The following KDM4C variants were observed in gnomAD, a reference collection of about 807,000 sequenced individuals.
KDM4C encodes lysine demethylase 4C.
In KDM4C, 81 loss-of-function variants were observed where a neutral mutation model predicts 129.3. The observed-to-expected ratio is 0.63, with a 90% confidence interval of 0.52 to 0.75. KDM4C has a LOEUF of 0.75. KDM4C is among the 30% of genes least tolerant of loss of function. The pLI is 0.00. For synonymous variants in KDM4C, 573 were observed against 456.1 expected (o/e 1.26, Z -3.26); for missense variants, 1,457 against 1,304.0 (o/e 1.12, Z -1.81).
At chr9:6,776,687 C>T (rs1172658123) in intron 1 of KDM4C, among the ~76,000 whole-genome samples, 1 of 141,014 alleles carries the variant, frequency 7.1e-6, no homozygotes, top group Non-Finnish European at 1.6e-5. Flanking sequence ...TCACTGCAAC[C>T]TCCACCTCCT....
intron 14 of KDM4C, among the ~76,000 whole-genome samples, chr9:7,015,246 C>A (rs1823447639): frequency 6.6e-6 from 1 of 151,950 alleles, no homozygotes; most frequent in East Asian, 1.9e-4. Flanking sequence ...TTAAAAATTA[C>A]TCATTTAAAT....
chr9:6,966,521 G>C (rs1466832447), intron 8 of KDM4C, among the ~76,000 whole-genome samples: 4 of 152,220 alleles, frequency 2.6e-5, no homozygotes, highest in African/African-American at 9.6e-5. Context: ...AGCCACTGCA[G>C]TAAGCCAAGG....
chr9:6,742,751 G>A (rs747387853), intron 1 of KDM4C, among the ~76,000 whole-genome samples: 9 of 151,388 alleles, frequency 5.9e-5, no homozygotes, highest in East Asian at 3.9e-4. Flanking sequence ...TCTAAGAATC[G>A]CTTGAACCCC....
At chr9:7,066,911 A>AT (rs1386524237) in intron 17 of KDM4C, among the ~76,000 whole-genome samples, 3 of 152,216 alleles carry the variant, frequency 2.0e-5, no homozygotes, top group Non-Finnish European at 4.4e-5. Flanking sequence ...ATTCATAAAT[A>AT]TTTTTTGTAT....
chr9:6,787,901 A>C (rs1825806209), intron 1 of KDM4C, among the ~76,000 whole-genome samples: 1 of 152,232 alleles, frequency 6.6e-6, no homozygotes, highest in South Asian at 2.1e-4. Context: ...GAACCCCAGG[A>C]TCAGTTCCCA....
chr9:7,019,876 T>G (rs1824468952), intron 15 of KDM4C, among the ~76,000 whole-genome samples: 1 of 151,330 alleles, frequency 6.6e-6, no homozygotes, highest in South Asian at 2.1e-4. Flanking sequence ...TTTTTCGGCT[T>G]CAGCCTGGGC....
intron 17 of KDM4C, among the ~76,000 whole-genome samples, chr9:7,088,328 T>G (rs547725018): frequency 6.6e-6 from 1 of 152,360 alleles, no homozygotes; most frequent in South Asian, 2.1e-4. Context: ...TCACATTCTC[T>G]CTTTAATCCA....
At chr9:6,846,552 A>G (rs1383097617) in intron 4 of KDM4C, among the ~76,000 whole-genome samples, 1 of 152,222 alleles carries the variant, frequency 6.6e-6, no homozygotes, top group African/African-American at 2.4e-5. Flanking sequence ...AATAAGATTT[A>G]TCTCTGTTGG....
chr9:7,048,083 A>C (rs1274816379), intron 16 of KDM4C, among the ~76,000 whole-genome samples: 1 of 152,082 alleles, frequency 6.6e-6, no homozygotes, highest in Non-Finnish European at 1.5e-5. Context: ...CCTGGTTGAT[A>C]TGATTCGCAC....
At chr9:6,779,264 C>T (rs1262328738) in intron 1 of KDM4C, among the ~76,000 whole-genome samples, 3 of 152,054 alleles carry the variant, frequency 2.0e-5, no homozygotes, top group African/African-American at 7.3e-5. Context: ...GATCTGCCCA[C>T]CTCGGCCTCC....
intron 15 of KDM4C, among the ~76,000 whole-genome samples, chr9:7,024,897 A>T (rs962881131): frequency 3.9e-5 from 6 of 152,200 alleles, no homozygotes; most frequent in African/African-American, 1.4e-4. Flanking sequence ...TAGATCCCTG[A>T]GGAATCGCCA....
At chr9:7,148,712 C>T (rs1389484430) in intron 19 of KDM4C, among the ~76,000 whole-genome samples, 2 of 152,190 alleles carry the variant, frequency 1.3e-5, no homozygotes, top group African/African-American at 4.8e-5. Flanking sequence ...CAGAGAAAGG[C>T]TTTATTGGAT....
At chr9:6,738,181 A>G (rs1417696838) in intron 1 of KDM4C, among the ~76,000 whole-genome samples, 2 of 136,080 alleles carry the variant, frequency 1.5e-5, no homozygotes, top group African/African-American at 5.7e-5. Flanking sequence ...AAACTAAACT[A>G]AAAAACAGAT....
intron 6 of KDM4C, among the ~76,000 whole-genome samples, chr9:6,882,540 G>T (rs527972758): frequency 6.6e-6 from 1 of 152,034 alleles, no homozygotes; most frequent in Non-Finnish European, 1.5e-5. Flanking sequence ...TTGGTTACTC[G>T]TCCAAAATAT....
At chr9:6,774,116 G>T (rs1486963026) in intron 1 of KDM4C, among the ~76,000 whole-genome samples, 1 of 151,850 alleles carries the variant, frequency 6.6e-6, no homozygotes. Context: ...TCGAACTCCT[G>T]ACCTCAAGTG....
intron 17 of KDM4C, among the ~76,000 whole-genome samples, chr9:7,086,845 C>T (rs1431526802): frequency 6.6e-6 from 1 of 152,180 alleles, no homozygotes; most frequent in Non-Finnish European, 1.5e-5. Context: ...GTTGATCTGC[C>T]TGAGAGCCAG....
At chr9:6,753,035 C>T (rs1195011794), upstream of KDM4C, among the ~76,000 whole-genome samples, 3 of 152,122 alleles carry the variant, frequency 2.0e-5, no homozygotes, top group Non-Finnish European at 4.4e-5. Context: ...ATAGCAGCTG[C>T]TTTTGATCTA....
Position 6,849,720 on chromosome 9 carries a change from T to C in KDM4C, c.629+20T>C. ...GTCTTGGCAAGTTACTTGTTTAATA[T>C]TCATTTACTTTGGAGTTTTGAAATT... On this transcript the variant is annotated intron_variant, in intron 5 of 21. Coordinates refer to ENST00000381309, the MANE Select transcript of KDM4C (RefSeq NM_015061.6). 1.3e-6 allele frequency: 2 copies of C among 1,528,850 alleles called. No homozygotes were observed. Among genetic ancestry groups the C allele is most frequent in the Non-Finnish European group, 8.9e-7 (1 of 1,129,156 alleles). 94.7% of individuals were successfully genotyped at this position (1,528,850 alleles called of 1,614,324 possible).
chr9:7,131,949 C>G (rs1025786418), intron 19 of KDM4C, among the ~76,000 whole-genome samples: 2 of 152,172 alleles, frequency 1.3e-5, no homozygotes, highest in East Asian at 3.8e-4. Context: ...CAAAAACTCT[C>G]TAATCCACAC....
Sources: gnomAD v4.1 joint callset for allele counts (sites outside exome capture counted in the v4.1 genomes callset) on GRCh38, gnomAD v4.1.1 for gene constraint, MANE v1.5 for transcripts, NCBI Gene and HGNC (gene_info 2026-07-23, HGNC 2026-07-21) for gene names.